The following BNIP2 variants were observed in gnomAD, a reference collection of about 807,000 sequenced individuals.
BNIP2 encodes the protein BCL2 interacting protein 2.
A neutral mutation model predicts 43.4 loss-of-function variants in BNIP2; 36 were observed. The ratio of observed to expected loss-of-function variants is 0.83; its 90% CI spans 0.64 to 1.10. BNIP2 has a LOEUF of 1.10. Among genes scored for constraint, BNIP2 ranks in the 50% least tolerant of loss-of-function variants. The probability of loss-of-function intolerance (pLI) is 0.00; values close to 1 mark genes in which losing one functional copy is unlikely to be tolerated. For synonymous variants in BNIP2, 146 were observed against 121.0 expected, an observed-to-expected ratio of 1.21 and a Z score of -1.35; for missense variants, 417 against 374.1, an observed-to-expected ratio of 1.11 and a Z score of -0.95.
chr15:59,672,834 T>A (rs558759564), intron 5 of BNIP2, 95 bp from the exon 6 acceptor site: 31 of 841,672 alleles, frequency 3.7e-5, no homozygotes, highest in Non-Finnish European at 5.6e-5. Flanking sequence ...TAAATAAGAG[T>A]TTACTTTTCA....
chr15:59,668,690 C>T lies in BNIP2; in HGVS notation c.893+202G>A, dbSNP rs1892708534. On this transcript the variant is annotated intron_variant, in intron 9 of 9. Transcript: ENST00000607373. ...TAATTTATCCTAGTTCTTCAACTGA[C>T]AGCCTGAAGAAAATGCTAACTTAGG... is the stretch of plus-strand genomic sequence containing the variant. 5 of 490,852 alleles carry T rather than the reference C, an allele frequency of 1.0e-5. No individual in the cohort carries two copies. The East Asian group carries it at 1.3e-4, about 13-fold the overall frequency. The allele number at this position is 490,852 out of a possible 1,614,324, so 30.4% of individuals were successfully genotyped here. A position where few individuals can be genotyped will look rare whatever the true frequency, so the allele number is the denominator to read the frequency against.
Position 59,659,988 on chromosome 15 carries a change from A to G in BNIP2, c.*4081T>C, listed in dbSNP as rs1486482046. ...GAAAGTTACATAACTGGGTCTCACC[A>G]TTGATCTGATTCTAAGTTCATTCAG... On this transcript the variant is annotated 3_prime_UTR_variant, in exon 10 of 10. Coordinates refer to ENST00000607373, the MANE Select transcript of BNIP2 (RefSeq NM_004330.4). 2 of 152,196 alleles carry G rather than the reference A, an allele frequency of 1.3e-5. No individual in the cohort carries two copies. The highest frequency in any genetic ancestry group is 4.8e-5 in the African/African-American group (2 of 41,452). The allele number at this position is 152,196 out of a possible 1,614,324, so 9.4% of individuals were successfully genotyped here.
intron 9 of BNIP2, among the ~76,000 whole-genome samples, chr15:59,666,451 G>C (rs1892572751): frequency 6.6e-6 from 1 of 152,212 alleles, no homozygotes; most frequent in Non-Finnish European, 1.5e-5. Context: ...TGGATCACTT[G>C]AGATCAGGAG....
chr15:59,679,553 C>T, intron 4 of BNIP2, 39 bp downstream of exon 4: 1 of 1,573,572 alleles, frequency 6.4e-7, no homozygotes, highest in Non-Finnish European at 8.7e-7. Flanking sequence ...TCCCTTAGTA[C>T]ATTAATAAAG....
At chr15:59,683,787 C>A (rs1235140455) in intron 1 of BNIP2, among the ~76,000 whole-genome samples, 8 of 152,170 alleles carry the variant, frequency 5.3e-5, no homozygotes, top group Non-Finnish European at 1.2e-4. Context: ...CCATTGCACT[C>A]CAGTCTGGGT....
chr15:59,688,791 A>C (rs774794791), intron 1 of BNIP2: 27 of 1,535,380 alleles, frequency 1.8e-5, no homozygotes, highest in Non-Finnish European at 2.3e-5. Context: ...ATACTGAACC[A>C]TCGTAGCCCA....
At chr15:59,686,417 A>G (rs779617791) in intron 1 of BNIP2, among the ~76,000 whole-genome samples, 1 of 152,202 alleles carries the variant, frequency 6.6e-6, no homozygotes, top group African/African-American at 2.4e-5. Context: ...AGAACTGTTT[A>G]GATTATAACA....
intron 1 of BNIP2, chr15:59,688,867 C>A: frequency 6.9e-7 from 1 of 1,452,384 alleles, no homozygotes; most frequent in Non-Finnish European, 9.1e-7. Context: ...CCATCCCGAG[C>A]ACAACTACCA....
rs1469926798 is a variant in BNIP2 at position 59,669,006 on chromosome 15, A to C, written c.795-16T>G. ...GAATTTCGAGCTATGGAAGAAAATA[A>C]AAATAATTACTTCCATATTTCTGAC... On this transcript the variant is annotated splice_polypyrimidine_tract_variant and intron_variant, in intron 8 of 9. Coordinates refer to ENST00000607373, the MANE Select transcript of BNIP2 (RefSeq NM_004330.4). 1 of 1,586,338 alleles carries C rather than the reference A, an allele frequency of 6.3e-7. No homozygotes were observed. The highest frequency in any genetic ancestry group is 1.1e-5 in the South Asian group (1 of 89,920).
chr15:59,668,756 T>TCA (rs1892714193), intron 9 of BNIP2, 136 bp downstream of exon 9: 1 of 639,966 alleles, frequency 1.6e-6, no homozygotes. Flanking sequence ...TTTTTCTTTG[T>TCA]TACACACACA....
intron 6 of BNIP2, 61 bp from the exon 7 acceptor site, chr15:59,671,375 T>C (rs1892900865): frequency 4.2e-6 from 6 of 1,444,948 alleles, no homozygotes; most frequent in Middle Eastern, 2.3e-4. Flanking sequence ...AACTAGGTTC[T>C]CTAAATTGTA....
rs78216941 is a variant in BNIP2 at position 59,676,358 on chromosome 15, T to A, written c.472+1553A>T. On this transcript the variant is annotated intron_variant, in intron 5 of 9. Coordinates refer to ENST00000607373, the MANE Select transcript of BNIP2 (RefSeq NM_004330.4). ...CTGGCTAATTTTATTTATTTTTTTA[T>A]TTTTTTTATTTTTTTGTGGAGACGA... 9.8e-3 allele frequency among the ~76,000 whole-genome samples: 1,483 copies of A among 151,826 alleles called. 29 individuals carry two copies. Among genetic ancestry groups the A allele is most frequent in the African/African-American group, 0.034 (1,391 of 41,398 alleles).
At chr15:59,675,232 G>T (rs1566967413) in intron 5 of BNIP2, among the ~76,000 whole-genome samples, 1 of 144,790 alleles carries the variant, frequency 6.9e-6, no homozygotes, top group African/African-American at 2.6e-5. Context: ...CTGGGTGACA[G>T]AATGAGACTC....
rs1894159085 is a variant in BNIP2 at position 59,688,461 on chromosome 15, C to A, written c.-58+674G>T. On this transcript the variant is annotated intron_variant, in intron 1 of 9. Transcript: ENST00000607373. ...ATTCAATTAAATAAATAGGAGGCAC[C>A]GTAACTATCTTGATGCAACACCGGA... The A allele has an allele frequency of 8.0e-6, 3 of 375,860 alleles. No homozygotes were observed. The South Asian group carries it at 8.3e-5, about 10-fold the overall frequency. 23.3% of individuals were successfully genotyped at this position (375,860 alleles called of 1,614,324 possible). A position where few individuals can be genotyped will look rare whatever the true frequency, so the allele number is the denominator to read the frequency against.
chr15:59,664,516 G>A (rs867306977), intron 9 of BNIP2, among the ~76,000 whole-genome samples: 1 of 151,934 alleles, frequency 6.6e-6, no homozygotes. Context: ...CGAGTTGCTG[G>A]GACTACAGGC....
chr15:59,666,991 G>A (rs1438189165), intron 9 of BNIP2, among the ~76,000 whole-genome samples: 1 of 152,146 alleles, frequency 6.6e-6, no homozygotes, highest in Non-Finnish European at 1.5e-5. Flanking sequence ...GCAATTCACT[G>A]TGAAATCTAT....
At chr15:59,681,806 A>G (rs1893692101) in intron 2 of BNIP2, among the ~76,000 whole-genome samples, 1 of 152,208 alleles carries the variant, frequency 6.6e-6, no homozygotes, top group Non-Finnish European at 1.5e-5. Flanking sequence ...GGAATCCCTC[A>G]GATCTTGTTT....
rs1298567201 is a variant in BNIP2 at position 59,659,307 on chromosome 15, C to T, written c.*4762G>A. 2.0e-5 allele frequency: 3 copies of T among 152,210 alleles called. No individual in the cohort carries two copies. Among genetic ancestry groups the T allele is most frequent in the Non-Finnish European group, 4.4e-5 (3 of 68,048 alleles). 9.4% of individuals were successfully genotyped at this position (152,210 alleles called of 1,614,324 possible). ...TTTCTTACAGGGACCACATTAATAT[C>T]TTGCACACACAGACATCAGAACTGA... On this transcript the variant is annotated 3_prime_UTR_variant, in exon 10 of 10. Transcript: ENST00000607373.
At chr15:59,685,530 A>G (rs554977721) in intron 1 of BNIP2, among the ~76,000 whole-genome samples, 36 of 152,232 alleles carry the variant, frequency 2.4e-4, no homozygotes, top group African/African-American at 8.7e-4. Context: ...ACAACAACAA[A>G]AACTAAATAG....
Sources: allele counts gnomAD v4.1 joint callset (sites outside exome capture counted in the v4.1 genomes callset), GRCh38; gene constraint gnomAD v4.1.1; transcripts MANE v1.5; gene names NCBI Gene and HGNC (gene_info 2026-07-23, HGNC 2026-07-21).